Variants in FAM135B observed in about 807,000 individuals in gnomAD.
FAM135B encodes the protein protein FAM135B.
A neutral mutation model predicts 127.7 loss-of-function variants in FAM135B; 43 were observed. The observed-to-expected ratio is 0.34, with a 90% CI of 0.26 to 0.43. The LOEUF (loss-of-function observed/expected upper bound fraction) is 0.43, where lower values mean the gene tolerates loss of function less well. Among genes scored for constraint, FAM135B ranks in the 20% least tolerant of loss-of-function variants. The pLI is 1.00. For synonymous variants in FAM135B, 670 were observed against 665.1 expected (o/e 1.01, Z -0.11); for missense variants, 1,558 against 1,725.6 (o/e 0.90, Z 1.72).
At chr8:138,483,512 G>A (rs1814867807) in intron 1 of FAM135B, among the ~76,000 whole-genome samples, 1 of 152,230 alleles carries the variant, frequency 6.6e-6, no homozygotes, top group Non-Finnish European at 1.5e-5. Flanking sequence ...GAATCCATGA[G>A]GAGGCTGCCC....
chr8:138,474,664 C>T (rs1481946888), intron 1 of FAM135B, among the ~76,000 whole-genome samples: 1 of 152,202 alleles, frequency 6.6e-6, no homozygotes, highest in East Asian at 1.9e-4. Context: ...GCTCAACCAA[C>T]GACTCTAACT....
chr8:138,495,271 G>A (rs1024661168), intron 1 of FAM135B, among the ~76,000 whole-genome samples: 2 of 152,186 alleles, frequency 1.3e-5, no homozygotes, highest in African/African-American at 4.8e-5. Context: ...AGAGAAAGAA[G>A]CCTCAGTGAG....
intron 9 of FAM135B, among the ~76,000 whole-genome samples, chr8:138,184,765 GT>G (rs1815400726): frequency 6.6e-6 from 1 of 152,130 alleles, no homozygotes; most frequent in African/African-American, 2.4e-5. Context: ...CCCAGTGAAG[GT>G]TTAGAGTTCA....
intron 1 of FAM135B, among the ~76,000 whole-genome samples, chr8:138,395,957 G>A (rs566912356): frequency 3.3e-5 from 5 of 152,282 alleles, no homozygotes; most frequent in African/African-American, 9.6e-5. Context: ...GAATTACTCG[G>A]CTGCTATCTT....
chr8:138,310,942 G>C (rs746652810), intron 2 of FAM135B, 22 bp from the exon 3 acceptor site: 2 of 1,590,256 alleles, frequency 1.3e-6, no homozygotes, highest in South Asian at 1.1e-5. Context: ...GAAGAGGACA[G>C]GGTGCTGAAG....
chr8:138,463,659 G>A (rs900470606), intron 1 of FAM135B, among the ~76,000 whole-genome samples: 5 of 152,252 alleles, frequency 3.3e-5, no homozygotes, highest in South Asian at 2.1e-4. Context: ...CAGGAGGCGC[G>A]CAATGAGAAA....
chr8:138,159,045 G>T (rs1819072518), intron 12 of FAM135B, among the ~76,000 whole-genome samples: 2 of 150,852 alleles, frequency 1.3e-5, no homozygotes, highest in Admixed American at 1.3e-4. Flanking sequence ...GGCCGAGGCG[G>T]GTGGATCATG....
chr8:138,456,278 G>A lies in FAM135B; in HGVS notation c.-20+40393C>T, dbSNP rs1587497595. On this transcript the variant is annotated intron_variant, in intron 1 of 19. Transcript: ENST00000395297. ...GTATTTTGGCTTCACTGACATTGAA[G>A]TCACCAAAATGAACTAAGAGCTAAT... Among the ~76,000 whole-genome samples, 6 of 152,290 alleles carry A rather than the reference G, an allele frequency of 3.9e-5. No individual in the cohort carries two copies. In the South Asian group the frequency reaches 1.2e-3, roughly 32 times the overall value.
intron 1 of FAM135B, among the ~76,000 whole-genome samples, chr8:138,372,469 A>C (rs1466786854): frequency 1.3e-5 from 2 of 152,190 alleles, no homozygotes; most frequent in Non-Finnish European, 2.9e-5. Flanking sequence ...TGGAGAGAAC[A>C]GCCTATCTCT....
At chr8:138,354,356 C>CCCTAG (rs1301256457) in intron 2 of FAM135B, among the ~76,000 whole-genome samples, 2 of 152,104 alleles carry the variant, frequency 1.3e-5, no homozygotes, top group Non-Finnish European at 2.9e-5. Context: ...CTCTTGAAAA[C>CCCTAG]CCTAGCACTA....
chr8:138,153,049 C>T lies in FAM135B; in HGVS notation c.1426G>A (p.Val476Ile), dbSNP rs373153841. 1.2e-6 allele frequency: 2 copies of T among 1,614,064 alleles called. No individual in the cohort carries two copies. Among genetic ancestry groups the T allele is most frequent in the African/African-American group, 2.7e-5 (2 of 74,938 alleles). Residue 476 changes from valine (V) to isoleucine (I), a missense_variant, in exon 13 of 20, where the codon GTT becomes ATT. By Grantham distance (29) the Val-to-Ile change is conservative. Transcript: ENST00000395297. ...KPSQMDSDEE[V>I]IRCPEPGENV... is the part of the protein sequence containing the mutation. ...TCACCTGGCTCTGGACACCTTATAACTTCTTCATCAGAATCCATTTGGGAT... is the reference window on the plus strand; with the variant it reads ...TCACCTGGCTCTGGACACCTTATAATTTCTTCATCAGAATCCATTTGGGAT...
intron 3 of FAM135B, among the ~76,000 whole-genome samples, chr8:138,296,984 CA>C (rs1825522859): frequency 6.6e-6 from 1 of 152,138 alleles, no homozygotes. Flanking sequence ...CCCAATTTGT[CA>C]TGACCTGGGA....
intron 3 of FAM135B, among the ~76,000 whole-genome samples, chr8:138,305,661 A>G (rs1294301618): frequency 6.6e-6 from 1 of 152,204 alleles, no homozygotes; most frequent in East Asian, 1.9e-4. Flanking sequence ...CAATTAATTA[A>G]CATTCATCTT....
intron 1 of FAM135B, among the ~76,000 whole-genome samples, chr8:138,454,104 G>A (rs1836645256): frequency 6.6e-6 from 1 of 151,640 alleles, no homozygotes; most frequent in Non-Finnish European, 1.5e-5. Context: ...GAATAAGGCA[G>A]GTAAAAATGA....
chr8:138,309,163 G>A, intron 3 of FAM135B: 1 of 315,026 alleles, frequency 3.2e-6, no homozygotes, highest in South Asian at 2.7e-5. Flanking sequence ...GTACACATAT[G>A]GACACTGGTT....
chr8:138,487,902 G>A (rs1815045688), intron 1 of FAM135B, among the ~76,000 whole-genome samples: 1 of 152,116 alleles, frequency 6.6e-6, no homozygotes, highest in Admixed American at 6.5e-5. Context: ...TACTGGGGAG[G>A]CCGAGGCAGG....
intron 1 of FAM135B, among the ~76,000 whole-genome samples, chr8:138,427,535 T>A (rs4909425): frequency 0.6 from 91,493 of 151,658 alleles, 28,385 homozygotes; most frequent in African/African-American, 0.73. Context: ...AAAGTGAGAA[T>A]GAAATTTGAA....
intron 1 of FAM135B, among the ~76,000 whole-genome samples, chr8:138,388,589 C>T (rs901889481): frequency 1.3e-5 from 2 of 152,040 alleles, no homozygotes; most frequent in Non-Finnish European, 1.5e-5. Context: ...CAAGCCATGT[C>T]GAGGCATGGA....
At chr8:138,369,392 C>G (rs76672461) in intron 1 of FAM135B, among the ~76,000 whole-genome samples, 2 of 152,196 alleles carry the variant, frequency 1.3e-5, no homozygotes, top group East Asian at 3.8e-4. Flanking sequence ...CTGCAGTTAA[C>G]AGGGTCAGGC....
Sources: gnomAD v4.1 joint callset for allele counts (sites outside exome capture counted in the v4.1 genomes callset) on GRCh38, gnomAD v4.1.1 for gene constraint, MANE v1.5 for transcripts, NCBI Gene and HGNC (gene_info 2026-07-23, HGNC 2026-07-21) for gene names.